FSTL5: variants seen among roughly 807,000 people sequenced by gnomAD.
FSTL5 encodes the protein follistatin-related protein 5.
In FSTL5, 62 loss-of-function variants were observed where a neutral mutation model predicts 89.1. That is an observed-to-expected ratio of 0.70 (90% CI 0.57 to 0.86). The LOEUF (loss-of-function observed/expected upper bound fraction) is 0.86. Among genes scored for constraint, FSTL5 ranks in the 40% least tolerant of loss-of-function variants. The pLI is 0.00. For synonymous variants in FSTL5, 383 were observed against 346.2 expected (o/e 1.11, Z -1.18); for missense variants, 1,057 against 1,001.6 (o/e 1.06, Z -0.75).
At chr4:162,156,072 T>G (rs1733456813) in intron 1 of FSTL5, among the ~76,000 whole-genome samples, 3 of 152,132 alleles carry the variant, frequency 2.0e-5, no homozygotes, top group Admixed American at 2.0e-4. Flanking sequence ...CAAAACTTGG[T>G]CTAAGTCTCA....
chr4:161,887,427 C>CTATCTATCT (rs1553976602), intron 4 of FSTL5, among the ~76,000 whole-genome samples: 6 of 24,724 alleles, frequency 2.4e-4, no homozygotes, highest in African/African-American at 6.8e-4. Flanking sequence ...ATCTATCTAT[C>CTATCTATCT]ATCTATCTAC....
intron 4 of FSTL5, among the ~76,000 whole-genome samples, chr4:161,887,314 C>T (rs1282271705): frequency 6.6e-6 from 1 of 152,070 alleles, no homozygotes; most frequent in Non-Finnish European, 1.5e-5. Context: ...ATAATTCAGT[C>T]ATATCTCTAG....
intron 6 of FSTL5, among the ~76,000 whole-genome samples, chr4:161,734,132 A>G (rs1054987381): frequency 1.3e-5 from 2 of 152,170 alleles, no homozygotes; most frequent in African/African-American, 4.8e-5. Context: ...AAGCATTTTA[A>G]TAGGAGGGAA....
intron 3 of FSTL5, among the ~76,000 whole-genome samples, chr4:161,935,039 G>T (rs79428927): frequency 0.011 from 1,612 of 152,196 alleles, 24 homozygotes; most frequent in African/African-American, 0.036. Flanking sequence ...AACAAAATAT[G>T]ACCAGCAATT....
chr4:161,966,594 A>G (rs1421989499), intron 3 of FSTL5, among the ~76,000 whole-genome samples: 1 of 152,096 alleles, frequency 6.6e-6, no homozygotes, highest in Non-Finnish European at 1.5e-5. Context: ...GAACACAATA[A>G]TGTACATAAA....
chr4:161,419,752 G>A (rs1039528087), intron 15 of FSTL5, among the ~76,000 whole-genome samples: 1 of 152,170 alleles, frequency 6.6e-6, no homozygotes, highest in African/African-American at 2.4e-5. Context: ...CATAGGTTCA[G>A]GAATCAAAGG....
chr4:161,817,632 C>G (rs1730367691), intron 4 of FSTL5, among the ~76,000 whole-genome samples: 2 of 152,100 alleles, frequency 1.3e-5, no homozygotes, highest in Admixed American at 1.3e-4. Flanking sequence ...ACTATTTTTA[C>G]AGCACAATTT....
chr4:161,411,556 A>G (rs1202780109), intron 15 of FSTL5, among the ~76,000 whole-genome samples: 2 of 152,306 alleles, frequency 1.3e-5, no homozygotes, highest in East Asian at 1.9e-4. Flanking sequence ...TAAGTGATAT[A>G]CTGCATAAAC....
chr4:161,914,099 A>G (rs987289347), intron 4 of FSTL5, among the ~76,000 whole-genome samples: 2 of 152,146 alleles, frequency 1.3e-5, no homozygotes, highest in African/African-American at 4.8e-5. Flanking sequence ...TTTGAATTGT[A>G]TCTCCCAGAA....
At chr4:161,454,905 G>A (rs1450662253) in intron 15 of FSTL5, 99 bp downstream of exon 15, 8 of 1,102,140 alleles carry the variant, frequency 7.3e-6, no homozygotes, top group African/African-American at 1.6e-5. Flanking sequence ...TTGTACATGT[G>A]TATTTGTTTC....
At chr4:161,759,876 A>C (rs1740722709) in intron 5 of FSTL5, among the ~76,000 whole-genome samples, 1 of 152,156 alleles carries the variant, frequency 6.6e-6, no homozygotes, top group Non-Finnish European at 1.5e-5. Flanking sequence ...CTTCTGCATG[A>C]AAATTGCCTC....
chr4:161,849,191 T>C (rs1731474071), intron 4 of FSTL5, among the ~76,000 whole-genome samples: 1 of 152,180 alleles, frequency 6.6e-6, no homozygotes. Context: ...CCACTCACTT[T>C]TAAATCTGAA....
chr4:161,992,496 CAG>C (rs1307628753), intron 3 of FSTL5, among the ~76,000 whole-genome samples: 4 of 151,788 alleles, frequency 2.6e-5, no homozygotes, highest in Non-Finnish European at 5.9e-5. Context: ...AAGGGAAAGA[CAG>C]GGGGAGGAGC....
chr4:161,804,526 A>G (rs932257993), intron 4 of FSTL5, among the ~76,000 whole-genome samples: 40 of 38,276 alleles, frequency 1.0e-3, no homozygotes, highest in Admixed American at 2.8e-3. Context: ...TATGTTCTGT[A>G]CAACCACTGT....
Position 161,589,389 on chromosome 4 carries a change from G to A in FSTL5, c.895-1814C>T, listed in dbSNP as rs190369333. ...AGTAGAAACAGGTTTTACCATGTTC[G>A]CCAGGCTGGTCTCGAACTCCTGACC... On this transcript the variant is annotated intron_variant, in intron 7 of 15. Transcript: ENST00000306100. 2.4e-3 allele frequency among the ~76,000 whole-genome samples: 371 copies of A among 152,008 alleles called. 2 individuals are homozygous for A. Among genetic ancestry groups the A allele is most frequent in the African/African-American group, 8.8e-3 (364 of 41,468 alleles).
intron 6 of FSTL5, among the ~76,000 whole-genome samples, chr4:161,736,164 T>C (rs775234985): frequency 1.3e-5 from 2 of 152,142 alleles, no homozygotes; most frequent in Non-Finnish European, 2.9e-5. Context: ...CCAACATTTG[T>C]AACTGCACAT....
At chr4:161,505,908 T>A (rs1425153897) in intron 11 of FSTL5, among the ~76,000 whole-genome samples, 1 of 152,214 alleles carries the variant, frequency 6.6e-6, no homozygotes, top group African/African-American at 2.4e-5. Flanking sequence ...AACAGGTTGA[T>A]TGTGATTTAA....
intron 6 of FSTL5, among the ~76,000 whole-genome samples, chr4:161,664,029 G>A (rs914218741): frequency 6.6e-6 from 1 of 152,166 alleles, no homozygotes; most frequent in Non-Finnish European, 1.5e-5. Context: ...GAGACACAGA[G>A]CAACAAGTCC....
intron 4 of FSTL5, among the ~76,000 whole-genome samples, chr4:161,895,607 A>T (rs1488560585): frequency 1.3e-5 from 2 of 152,186 alleles, no homozygotes; most frequent in Non-Finnish European, 2.9e-5. Flanking sequence ...GCTATGAATG[A>T]TATGTCATGG....
Sources: allele counts gnomAD v4.1 joint callset (sites outside exome capture counted in the v4.1 genomes callset), GRCh38; gene constraint gnomAD v4.1.1; transcripts MANE v1.5; gene names NCBI Gene and HGNC (gene_info 2026-07-23, HGNC 2026-07-21).